Variants in DNM2 observed in about 807,000 individuals in gnomAD.
The protein encoded by DNM2 is dynamin 2.
Under a neutral mutation model 99.0 loss-of-function variants are expected in DNM2, and 15 were observed. The ratio of observed to expected loss-of-function variants is 0.15; its 90% CI spans 0.10 to 0.23. DNM2 has a LOEUF of 0.23. Among genes scored for constraint, DNM2 ranks in the 10% least tolerant of loss-of-function variants. The pLI is 1.00. For synonymous variants in DNM2, 525 were observed against 481.2 expected (o/e 1.09, Z -1.19); for missense variants, 742 against 1,189.4 (o/e 0.62, Z 5.53).
At chr19:10,727,621 C>T (rs932053839) in intron 1 of DNM2, among the ~76,000 whole-genome samples, 10 of 152,078 alleles carry the variant, frequency 6.6e-5, no homozygotes, top group African/African-American at 1.7e-4. Flanking sequence ...TCTCCTGCCT[C>T]GGCTTCCCAA....
At chr19:10,719,882 G>A (rs1453883796) in intron 1 of DNM2, among the ~76,000 whole-genome samples, 1 of 152,200 alleles carries the variant, frequency 6.6e-6, no homozygotes, top group East Asian at 1.9e-4. Context: ...GTAAGGCCTT[G>A]TGTCTGCCAT....
chr19:10,798,140 G>A lies in DNM2; in HGVS notation c.1336-346G>A, dbSNP rs577624127. 4.4e-4 allele frequency among the ~76,000 whole-genome samples: 67 copies of A among 152,252 alleles called. 1 individual carries two copies. The highest frequency in any genetic ancestry group is 1.5e-3 in the African/African-American group (62 of 41,552). ...CACTCACGCTGGCGAGGCCCTTCAG[G>A]GTTCCTGCTCTCACCCAGTGCTGGG... On this transcript the variant is annotated intron_variant, in intron 10 of 20. Coordinates refer to ENST00000389253, the MANE Select transcript of DNM2 (RefSeq NM_001005361.3).
At chr19:10,801,972 T>C (rs1310766449) in intron 11 of DNM2, among the ~76,000 whole-genome samples, 1 of 151,694 alleles carries the variant, frequency 6.6e-6, no homozygotes, top group Non-Finnish European at 1.5e-5. Context: ...TTGGGCCTCC[T>C]GTCACCCCAT....
chr19:10,753,001 G>A (rs546063780), intron 1 of DNM2, among the ~76,000 whole-genome samples: 1 of 152,162 alleles, frequency 6.6e-6, no homozygotes, highest in Admixed American at 6.5e-5. Flanking sequence ...GTGGGTACCT[G>A]TGATCCCAGC....
At chr19:10,758,518 TCCTCCCTTCCCTCCCCTC>T (rs1046355138) in intron 1 of DNM2, among the ~76,000 whole-genome samples, 8 of 92,822 alleles carry the variant, frequency 8.6e-5, no homozygotes, top group Non-Finnish European at 1.7e-4. Context: ...TTCCTCCCTT[TCCTCCCTTCCCTCCCCTC>T]CCTCCCTTCC....
chr19:10,799,814 G>A (rs186294510), intron 11 of DNM2, among the ~76,000 whole-genome samples: 1 of 151,788 alleles, frequency 6.6e-6, no homozygotes, highest in African/African-American at 2.4e-5. Context: ...GATTATAGGG[G>A]TGAGCTACCA....
intron 12 of DNM2, chr19:10,803,685 G>A: frequency 1.0e-6 from 1 of 986,386 alleles, no homozygotes; most frequent in Non-Finnish European, 1.2e-6. Flanking sequence ...ATTGCCTGCT[G>A]TGTGCCTTTG....
At position 10,795,324 on chromosome 19, in the gene DNM2, G is replaced by A. The variant is rs372939762; in HGVS notation, c.1129-48G>A. ...TTCCCCAGATGCACGCCTGCCACGG[G>A]GGCGCCCCGGGTGCCTCCATGCATG... On this transcript the variant is annotated intron_variant, in intron 8 of 20. Coordinates refer to ENST00000389253, the MANE Select transcript of DNM2 (RefSeq NM_001005361.3). The surrounding 1 kb of genome is among the most constrained non-coding windows in gnomAD (Gnocchi z 4.2). 6.2e-7 allele frequency: 1 copy of A among 1,601,566 alleles called. No homozygotes were observed. Among genetic ancestry groups the A allele is most frequent in the African/African-American group, 1.3e-5 (1 of 74,688 alleles).
In DNM2 at chr19:10,756,451, C is replaced by T. The variant is rs145528547; in HGVS notation, c.162-3287C>T. ...ATGAGCTGTGATGTTGTCCAAGTCTCGTATCCTGTTTGTGCCTCAGGCTCC... is the reference window on the plus strand; with the variant it reads ...ATGAGCTGTGATGTTGTCCAAGTCTTGTATCCTGTTTGTGCCTCAGGCTCC... On this transcript the variant is annotated intron_variant, in intron 1 of 20. Coordinates refer to ENST00000389253, the MANE Select transcript of DNM2 (RefSeq NM_001005361.3). Among the ~76,000 whole-genome samples, 975 of 152,294 alleles carry T rather than the reference C, an allele frequency of 6.4e-3. 37 individuals are homozygous for T. The highest frequency in any genetic ancestry group is 0.055 in the Admixed American group (845 of 15,296).
chr19:10,732,408 G>A lies in DNM2; in HGVS notation c.161+14005G>A, dbSNP rs532551907. Among the ~76,000 whole-genome samples, 7 of 150,668 alleles carry A rather than the reference G, an allele frequency of 4.6e-5. No homozygotes were observed. In the South Asian group the frequency reaches 1.3e-3, roughly 27 times the overall value. On this transcript the variant is annotated intron_variant, in intron 1 of 20. Transcript: ENST00000389253. ...GAGGTCAGGAGATTGAGACCATCCT[G>A]ACTAACACGGTGAAACCCCACCTCT...
At chr19:10,742,023 T>C (rs1223278583) in intron 1 of DNM2, among the ~76,000 whole-genome samples, 1 of 152,078 alleles carries the variant, frequency 6.6e-6, no homozygotes, top group African/African-American at 2.4e-5. Context: ...TTTCTTTCTT[T>C]GTTTTTGCTT....
At chr19:10,722,595 G>A (rs572051494) in intron 1 of DNM2, among the ~76,000 whole-genome samples, 1 of 151,834 alleles carries the variant, frequency 6.6e-6, no homozygotes, top group Admixed American at 6.6e-5. Context: ...CGTCCACCTC[G>A]GCCTCCCAAA....
intron 5 of DNM2, among the ~76,000 whole-genome samples, chr19:10,777,531 G>C (rs1328955505): frequency 2.0e-5 from 3 of 151,980 alleles, no homozygotes; most frequent in African/African-American, 7.3e-5. Context: ...AGCTCCCCAG[G>C]GTTTATAACT....
In DNM2 at chr19:10,830,571, G is replaced by C. The variant is rs904393351; in HGVS notation, c.2543+193G>C. On this transcript the variant is annotated intron_variant, in intron 20 of 20. Transcript: ENST00000389253. The surrounding 1 kb of genome is among the most constrained non-coding windows in gnomAD (Gnocchi z 4.8). Reference sequence around the variant, plus strand: ...GCTTGTTCAGTGTCACAGAGTAGCGGAGCCCTGGTGACTCCGGGGCTCCCA... The same window carrying C: ...GCTTGTTCAGTGTCACAGAGTAGCGCAGCCCTGGTGACTCCGGGGCTCCCA... The C allele has an allele frequency of 2.8e-6, 2 of 708,106 alleles. No individual in the cohort carries two copies. The highest frequency in any genetic ancestry group is 1.9e-5 in the South Asian group (1 of 52,290). The allele number at this position is 708,106 out of a possible 1,614,324, so 43.9% of individuals were successfully genotyped here. A position where few individuals can be genotyped will look rare whatever the true frequency, so the allele number is the denominator to read the frequency against.
At chr19:10,744,170 A>AG (rs1160378098) in intron 1 of DNM2, among the ~76,000 whole-genome samples, 2 of 151,730 alleles carry the variant, frequency 1.3e-5, no homozygotes, top group Non-Finnish European at 2.9e-5. Flanking sequence ...AAAAAAAAAA[A>AG]TTCTTTAAAA....
intron 13 of DNM2, 60 bp from the exon 14 acceptor site, chr19:10,808,509 T>C (rs2072432040): frequency 1.3e-6 from 2 of 1,595,634 alleles, no homozygotes; most frequent in Admixed American, 3.4e-5. Flanking sequence ...CCCTTCCATC[T>C]CTTTTCCTTT....
rs114765320 is a variant in DNM2 at position 10,788,256 on chromosome 19, T to A, written c.992+1550T>A. On this transcript the variant is annotated intron_variant, in intron 7 of 20. Transcript: ENST00000389253. ...TCAAAAAAAAAAAAAAAAAAAGAAG[T>A]TGAGTGTCAGGCGAAGACCTGAAGC... Among the ~76,000 whole-genome samples, 509 of 143,512 alleles carry A rather than the reference T, an allele frequency of 3.5e-3. 2 individuals carry two copies. The highest frequency in any genetic ancestry group is 0.013 in the African/African-American group (492 of 38,994). 94.1% of individuals were successfully genotyped at this position (143,512 alleles called of 152,430 possible). A position where few individuals can be genotyped will look rare whatever the true frequency, so the allele number is the denominator to read the frequency against.
Position 10,801,498 on chromosome 19 carries a change from G to A in DNM2, c.1423-790G>A, listed in dbSNP as rs552631553. ...GCCAGGTGTGGTGGCACATGCCTGC[G>A]ACCCCAGCATCTTGGGACGCTGAGG... is the stretch of plus-strand genomic sequence containing the variant. On this transcript the variant is annotated intron_variant, in intron 11 of 20. Coordinates refer to ENST00000389253, the MANE Select transcript of DNM2 (RefSeq NM_001005361.3). Among the ~76,000 whole-genome samples, 154 of 150,924 alleles carry A rather than the reference G, an allele frequency of 1.0e-3. 2 individuals are homozygous for A. Among genetic ancestry groups the A allele is most frequent in the African/African-American group, 3.2e-3 (132 of 41,016 alleles).
Position 10,817,988 on chromosome 19 carries a change from G to A in DNM2, c.1672-1992G>A, listed in dbSNP as rs1298659449. On this transcript the variant is annotated intron_variant, in intron 15 of 20. Coordinates refer to ENST00000389253, the MANE Select transcript of DNM2 (RefSeq NM_001005361.3). The surrounding 1 kb of genome is among the most constrained non-coding windows in gnomAD (Gnocchi z 4.6). ...CGGCCGCGTGATATGATAGGGTCAG[G>A]GCAGCAAAGGCCCTTGGGCAAACGT... Among the ~76,000 whole-genome samples the A allele has an allele frequency of 1.3e-5, 2 of 152,110 alleles. No individual in the cohort carries two copies. Among genetic ancestry groups the A allele is most frequent in the African/African-American group, 4.8e-5 (2 of 41,426 alleles).
Sources: allele counts gnomAD v4.1 joint callset (sites outside exome capture counted in the v4.1 genomes callset), GRCh38; gene constraint gnomAD v4.1.1; non-coding constraint Gnocchi (gnomAD v3.1); transcripts MANE v1.5; gene names NCBI Gene and HGNC (gene_info 2026-07-23, HGNC 2026-07-21).